The following SORCS3 variants were observed in gnomAD, a reference collection of about 807,000 sequenced individuals.
The protein encoded by SORCS3 is VPS10 domain-containing receptor SorCS3.
In SORCS3, 57 loss-of-function variants were observed where a neutral mutation model predicts 146.3. The ratio of observed to expected loss-of-function variants is 0.39; its 90% CI spans 0.31 to 0.49. The LOEUF is 0.49. Ranked by LOEUF, SORCS3 falls within the 20% of genes least tolerant of loss-of-function variation. SORCS3 has a pLI of 0.92. For missense variants in SORCS3, 1,341 were observed against 1,575.5 expected, an observed-to-expected ratio of 0.85 and a Z score of 2.52; for synonymous variants, 653 against 618.5, an observed-to-expected ratio of 1.06 and a Z score of -0.83.
At chr10:104,958,481 G>A (rs2133632731) in intron 3 of SORCS3, among the ~76,000 whole-genome samples, 1 of 152,276 alleles carries the variant, frequency 6.6e-6, no homozygotes, top group South Asian at 2.1e-4. Context: ...TTAAAATAAG[G>A]AGAGTACCCT....
At chr10:104,766,153 G>A (rs1435424835) in intron 1 of SORCS3, among the ~76,000 whole-genome samples, 1 of 152,218 alleles carries the variant, frequency 6.6e-6, no homozygotes, top group Non-Finnish European at 1.5e-5. Context: ...TGGGAGAGAG[G>A]GGAGTTGGGA....
chr10:105,035,878 AC>A (rs1172714887), intron 4 of SORCS3, among the ~76,000 whole-genome samples: 4 of 152,070 alleles, frequency 2.6e-5, no homozygotes, highest in Non-Finnish European at 4.4e-5. Flanking sequence ...AAATTTGAAA[AC>A]CAGGTGTGCA....
intron 2 of SORCS3, among the ~76,000 whole-genome samples, chr10:104,843,985 TG>T (rs2018175956): frequency 6.6e-6 from 1 of 152,188 alleles, no homozygotes; most frequent in Non-Finnish European, 1.5e-5. Flanking sequence ...CAGAGGGGAC[TG>T]GGGTGTGAAA....
At chr10:105,256,029 G>A (rs965031864) in intron 24 of SORCS3, among the ~76,000 whole-genome samples, 5 of 152,122 alleles carry the variant, frequency 3.3e-5, no homozygotes, top group Non-Finnish European at 7.3e-5. Flanking sequence ...ATCCCTAGAC[G>A]GTCTCGGAGA....
intron 1 of SORCS3, among the ~76,000 whole-genome samples, chr10:104,841,779 T>C (rs1446584753): frequency 6.6e-6 from 1 of 152,182 alleles, no homozygotes; most frequent in East Asian, 1.9e-4. Context: ...TGGAGGAAGT[T>C]AAATTGTGGA....
At chr10:104,703,354 T>C (rs1435594885) in intron 1 of SORCS3, among the ~76,000 whole-genome samples, 2 of 152,210 alleles carry the variant, frequency 1.3e-5, no homozygotes, top group Non-Finnish European at 2.9e-5. Flanking sequence ...CAAGCATTCC[T>C]ATTTCTGCAC....
At chr10:104,731,200 G>C (rs886885210) in intron 1 of SORCS3, among the ~76,000 whole-genome samples, 2 of 152,182 alleles carry the variant, frequency 1.3e-5, no homozygotes, top group African/African-American at 4.8e-5. Context: ...GGACCCTGGA[G>C]GGAGCTTTTG....
At chr10:104,903,032 A>G (rs1460747895) in intron 2 of SORCS3, among the ~76,000 whole-genome samples, 1 of 152,202 alleles carries the variant, frequency 6.6e-6, no homozygotes, top group African/African-American at 2.4e-5. Context: ...CTCAATTACC[A>G]TTGTTTAAAT....
chr10:104,877,088 T>A (rs984163391), intron 2 of SORCS3, among the ~76,000 whole-genome samples: 1 of 152,108 alleles, frequency 6.6e-6, no homozygotes, highest in African/African-American at 2.4e-5. Context: ...TGGGCTCAAG[T>A]AATCCTCCTG....
chr10:104,947,970 T>C (rs1049366090), intron 3 of SORCS3, among the ~76,000 whole-genome samples: 1 of 152,216 alleles, frequency 6.6e-6, no homozygotes, highest in East Asian at 1.9e-4. Flanking sequence ...ACAAAACTCC[T>C]TTTGTCTGGA....
At chr10:104,734,601 G>A (rs2016747086) in intron 1 of SORCS3, among the ~76,000 whole-genome samples, 1 of 152,242 alleles carries the variant, frequency 6.6e-6, no homozygotes, top group South Asian at 2.1e-4. Flanking sequence ...TCCTAGTCTT[G>A]TGCAGGCATG....
intron 2 of SORCS3, among the ~76,000 whole-genome samples, chr10:104,895,670 C>T (rs2018790879): frequency 6.6e-6 from 1 of 152,202 alleles, no homozygotes; most frequent in Non-Finnish European, 1.5e-5. Flanking sequence ...ATCCACTACA[C>T]TGAGTTCTGG....
chr10:104,949,122 A>C (rs1478860470), intron 3 of SORCS3, among the ~76,000 whole-genome samples: 2 of 152,172 alleles, frequency 1.3e-5, no homozygotes, highest in East Asian at 3.9e-4. Flanking sequence ...TGCTTAAAAA[A>C]ATCAATAGGT....
chr10:104,660,703 G>T (rs917483301), intron 1 of SORCS3, among the ~76,000 whole-genome samples: 4 of 152,196 alleles, frequency 2.6e-5, no homozygotes, highest in African/African-American at 9.7e-5. Flanking sequence ...GCGTTTTAGG[G>T]ATGGTGACTC....
chr10:104,760,120 G>T (rs1312741570), intron 1 of SORCS3, among the ~76,000 whole-genome samples: 1 of 152,200 alleles, frequency 6.6e-6, no homozygotes, highest in African/African-American at 2.4e-5. Context: ...GGAGGGACCT[G>T]TCCTGGTGTG....
At chr10:105,033,791 A>G (rs2055286436) in intron 4 of SORCS3, among the ~76,000 whole-genome samples, 1 of 152,164 alleles carries the variant, frequency 6.6e-6, no homozygotes, top group South Asian at 2.1e-4. Context: ...ACTAGTTCAT[A>G]ATTTTTGGTA....
At chr10:104,782,217 A>T (rs1199613613) in intron 1 of SORCS3, among the ~76,000 whole-genome samples, 4 of 152,158 alleles carry the variant, frequency 2.6e-5, no homozygotes, top group Non-Finnish European at 5.9e-5. Context: ...TCATAAATCT[A>T]CCTGATACTC....
Position 105,264,777 on chromosome 10 carries a change from C to T in SORCS3, c.*1403C>T, listed in dbSNP as rs933456079. ...GCACCTCAGCCCCTTCACACATTTACACATACCAATTTTTTTCAATAGGGT... is the reference window on the plus strand; with the variant it reads ...GCACCTCAGCCCCTTCACACATTTATACATACCAATTTTTTTCAATAGGGT... On this transcript the variant is annotated 3_prime_UTR_variant, in exon 27 of 27. Coordinates refer to ENST00000369701, the MANE Select transcript of SORCS3 (RefSeq NM_014978.3). The T allele has an allele frequency of 6.6e-6, 1 of 152,656 alleles. No homozygotes were observed. Among genetic ancestry groups the T allele is most frequent in the African/African-American group, 2.4e-5 (1 of 41,452 alleles). The allele number at this position is 152,656 out of a possible 1,614,324, so 9.5% of individuals were successfully genotyped here.
intron 13 of SORCS3, among the ~76,000 whole-genome samples, chr10:105,174,723 C>T (rs1235805254): frequency 6.6e-6 from 1 of 152,100 alleles, no homozygotes; most frequent in African/African-American, 2.4e-5. Flanking sequence ...GTTTATCATC[C>T]TTCCTTTAGG....
Sources: allele counts gnomAD v4.1 joint callset (sites outside exome capture counted in the v4.1 genomes callset), GRCh38; gene constraint gnomAD v4.1.1; transcripts MANE v1.5; gene names NCBI Gene and HGNC (gene_info 2026-07-23, HGNC 2026-07-21).